Variants in FBXW8 observed in about 807,000 individuals in gnomAD.
FBXW8 encodes the protein F-box/WD repeat-containing protein 8.
FBXW8 carries 57 observed loss-of-function variants against 65.3 expected under a neutral mutation model. That is an observed-to-expected ratio of 0.87 (90% CI 0.71 to 1.09). FBXW8 has a LOEUF of 1.09. Among genes scored for constraint, FBXW8 ranks in the 50% least tolerant of loss-of-function variants. The probability of loss-of-function intolerance (pLI) is 0.00; values close to 1 mark genes in which losing one functional copy is unlikely to be tolerated. For synonymous variants in FBXW8, 308 were observed against 330.2 expected, an observed-to-expected ratio of 0.93 and a Z score of 0.73; for missense variants, 777 against 814.8, an observed-to-expected ratio of 0.95 and a Z score of 0.57.
At position 116,911,060 on chromosome 12, in the gene FBXW8, A is replaced by G. The variant is rs1448359554; in HGVS notation, c.23A>G (p.Glu8Gly). MDDYSLDEFRRRWQEELA... is the reference protein window; with the variant it reads MDDYSLDGFRRRWQEELA... ...AATATGGACGACTACAGCCTGGATG[A>G]GTTCCGTCGGCGCTGGCAGGAGGAG... The change falls in exon 1 of 11, where the codon GAG (glutamate) becomes GGG (glycine). Residue 8 changes from glutamate to glycine, a missense_variant. By Grantham distance (98) the Glu-to-Gly change is moderately conservative. Transcript: ENST00000652555. 9.0e-6 allele frequency: 13 copies of G among 1,451,738 alleles called. No individual in the cohort carries two copies. The highest frequency in any genetic ancestry group is 1.1e-5 in the Non-Finnish European group (12 of 1,109,778). The allele number at this position is 1,451,738 out of a possible 1,614,324, so 89.9% of individuals were successfully genotyped here.
At chr12:116,989,906 T>C (rs1159819928) in intron 7 of FBXW8, among the ~76,000 whole-genome samples, 1 of 152,234 alleles carries the variant, frequency 6.6e-6, no homozygotes, top group Admixed American at 6.5e-5. Flanking sequence ...TAGGATTAAA[T>C]GAAAAGCCAT....
intron 5 of FBXW8, among the ~76,000 whole-genome samples, chr12:116,968,245 GCCAC>G (rs912509987): frequency 6.6e-6 from 1 of 152,086 alleles, no homozygotes; most frequent in African/African-American, 2.4e-5. Context: ...AAATCTTGCT[GCCAC>G]CCACTTTTGT....
In FBXW8 at chr12:116,943,041, T is replaced by A. The variant is rs939601060; in HGVS notation, c.424-2323T>A. On this transcript the variant is annotated intron_variant, in intron 2 of 10. Coordinates refer to ENST00000652555, the MANE Select transcript of FBXW8 (RefSeq NM_153348.3). Reference sequence around the variant, plus strand: ...ATCTACCCACCTCAGCCTCCCTAGTTTTTTAACAGATAATTTCTATCTCTT... The same window carrying A: ...ATCTACCCACCTCAGCCTCCCTAGTATTTTAACAGATAATTTCTATCTCTT... 3.3e-5 allele frequency among the ~76,000 whole-genome samples: 5 copies of A among 152,126 alleles called. No individual in the cohort carries two copies. The South Asian group carries it at 1.0e-3, about 32-fold the overall frequency.
At chr12:117,027,526 G>A (rs945368046) in intron 10 of FBXW8, 22 bp downstream of exon 10, 2 of 1,583,136 alleles carry the variant, frequency 1.3e-6, no homozygotes, top group Non-Finnish European at 1.7e-6. Flanking sequence ...GGCCGGGCGA[G>A]TAAGAGACCA....
chr12:117,024,092 T>G, intron 8 of FBXW8, 55 bp from the exon 9 acceptor site: 2 of 1,578,228 alleles, frequency 1.3e-6, no homozygotes, highest in African/African-American at 1.3e-5. Context: ...GTTTGTCATT[T>G]GAAGCTTTGA....
chr12:116,949,794 T>C, intron 4 of FBXW8, 88 bp downstream of exon 4: 1 of 1,199,544 alleles, frequency 8.3e-7, no homozygotes, highest in Non-Finnish European at 1.2e-6. Flanking sequence ...TGACCTTAGC[T>C]TCCTTTGAGA....
At chr12:116,953,921 C>A (rs1362786545) in intron 4 of FBXW8, among the ~76,000 whole-genome samples, 3 of 152,052 alleles carry the variant, frequency 2.0e-5, no homozygotes, top group African/African-American at 7.2e-5. Context: ...CAAGACCAGC[C>A]TGGCCAACAT....
intron 4 of FBXW8, chr12:116,951,518 ATTC>A (rs1592878698): frequency 2.0e-5 from 3 of 152,066 alleles, no homozygotes; most frequent in Non-Finnish European, 4.4e-5. Context: ...TGTTTCTCTT[ATTC>A]TTCTTTTTTC....
chr12:116,967,051 A>G (rs948905744), intron 5 of FBXW8, among the ~76,000 whole-genome samples: 2 of 152,160 alleles, frequency 1.3e-5, no homozygotes, highest in African/African-American at 4.8e-5. Flanking sequence ...ATATAAAATG[A>G]CAAAGAAAAA....
intron 7 of FBXW8, among the ~76,000 whole-genome samples, chr12:117,009,305 T>G (rs993702538): frequency 3.3e-5 from 5 of 151,632 alleles, no homozygotes; most frequent in African/African-American, 1.2e-4. Context: ...AGTGGGAGAA[T>G]TGGCTGAGCC....
Position 116,911,135 on chromosome 12 carries a change from AGAGGCGGGCTCGGCGGCCGG to A in FBXW8, c.99_118del (p.Arg34GlyfsTer68). The A allele has an allele frequency of 3.7e-6, 5 of 1,365,634 alleles. No individual in the cohort carries two copies. The highest frequency in any genetic ancestry group is 4.0e-5 in the Admixed American group (1 of 25,252). The allele number at this position is 1,365,634 out of a possible 1,614,324, so 84.6% of individuals were successfully genotyped here. ...AAGCGGCGACGGCCCGAGGCTGCCGAGAGGCGGGCTCGGCGGCCGGAGGTGGGCTCCGGGCGCGGCGAACA... is the reference window on the plus strand; with the variant it reads ...AAGCGGCGACGGCCCGAGGCTGCCGAAGGTGGGCTCCGGGCGCGGCGAACA... On this transcript the variant is annotated frameshift_variant, in exon 1 of 11. Coordinates refer to ENST00000652555, the MANE Select transcript of FBXW8 (RefSeq NM_153348.3). LOFTEE classifies it high-confidence loss of function.
At chr12:117,023,331 T>C (rs1341382686) in intron 8 of FBXW8, among the ~76,000 whole-genome samples, 1 of 152,176 alleles carries the variant, frequency 6.6e-6, no homozygotes, top group African/African-American at 2.4e-5. Flanking sequence ...GGACTGTCTT[T>C]TCCTTTTCGA....
intron 8 of FBXW8, among the ~76,000 whole-genome samples, chr12:117,020,680 G>A (rs975425055): frequency 1.3e-4 from 20 of 152,052 alleles, no homozygotes; most frequent in African/African-American, 3.9e-4. Context: ...TCCATACTCC[G>A]CTCCCTGCCT....
chr12:117,016,182 G>A (rs1334657414), intron 8 of FBXW8, among the ~76,000 whole-genome samples: 1 of 152,208 alleles, frequency 6.6e-6, no homozygotes, highest in East Asian at 1.9e-4. Context: ...GAAATACACT[G>A]GGAGTGGAAT....
chr12:117,005,373 A>G (rs1953650098), intron 7 of FBXW8, among the ~76,000 whole-genome samples: 1 of 152,214 alleles, frequency 6.6e-6, no homozygotes, highest in South Asian at 2.1e-4. Flanking sequence ...ACTGCCCTTT[A>G]ATAATTGCCA....
At chr12:117,002,438 T>C (rs892310949) in intron 7 of FBXW8, 2 of 152,270 alleles carry the variant, frequency 1.3e-5, no homozygotes, top group Non-Finnish European at 2.9e-5. Context: ...AGGGGTGCCA[T>C]GTTGCAGGGA....
chr12:117,016,193 T>G (rs1033432357), intron 8 of FBXW8, among the ~76,000 whole-genome samples: 2 of 152,230 alleles, frequency 1.3e-5, no homozygotes, highest in African/African-American at 4.8e-5. Context: ...GGAGTGGAAT[T>G]GCTGGCTTAT....
intron 2 of FBXW8, among the ~76,000 whole-genome samples, chr12:116,929,884 C>G (rs748200945): frequency 7.9e-5 from 12 of 152,186 alleles, no homozygotes; most frequent in Non-Finnish European, 1.8e-4. Flanking sequence ...CTCTCTACTT[C>G]TATGAGCTCA....
chr12:116,968,436 C>T (rs1355267464), intron 5 of FBXW8, among the ~76,000 whole-genome samples: 1 of 152,146 alleles, frequency 6.6e-6, no homozygotes, highest in Non-Finnish European at 1.5e-5. Flanking sequence ...CTCTAAATAG[C>T]ATATCTTAAA....
Sources: gnomAD v4.1 joint callset for allele counts (sites outside exome capture counted in the v4.1 genomes callset) on GRCh38, gnomAD v4.1.1 for gene constraint, MANE v1.5 for transcripts, NCBI Gene and HGNC (gene_info 2026-07-23, HGNC 2026-07-21) for gene names.